CCNI: variants seen among roughly 807,000 people sequenced by gnomAD.
CCNI encodes the protein cyclin-I.
Under a neutral mutation model 34.1 loss-of-function variants are expected in CCNI, and 14 were observed. The observed-to-expected ratio is 0.41, with a 90% CI of 0.27 to 0.64. The LOEUF is 0.64. Among genes scored for constraint, CCNI ranks in the 30% least tolerant of loss-of-function variants. The pLI is 0.31. For synonymous variants in CCNI, 154 were observed against 158.4 expected (o/e 0.97, Z 0.21); for missense variants, 385 against 440.5 (o/e 0.87, Z 1.13).
intron 6 of CCNI, among the ~76,000 whole-genome samples, chr4:77,051,242 G>A (rs145862520): frequency 6.6e-6 from 1 of 152,176 alleles, no homozygotes; most frequent in Non-Finnish European, 1.5e-5. Context: ...AGAGCCAACT[G>A]TACCTCGTTT....
At chr4:77,050,875 A>G (rs1171197088) in intron 6 of CCNI, among the ~76,000 whole-genome samples, 2 of 152,128 alleles carry the variant, frequency 1.3e-5, no homozygotes, top group East Asian at 1.9e-4. Context: ...GGAGTAAAAA[A>G]GGGGCTATAG....
chr4:77,060,866 C>G (rs1728557420), intron 2 of CCNI, among the ~76,000 whole-genome samples: 1 of 152,122 alleles, frequency 6.6e-6, no homozygotes, highest in Admixed American at 6.6e-5. Context: ...CTCAAGTGAT[C>G]TACCCATCTC....
chr4:77,066,197 T>C, intron 2 of CCNI, 52 bp downstream of exon 2: 1 of 1,383,080 alleles, frequency 7.2e-7, no homozygotes, highest in Non-Finnish European at 1.0e-6. Context: ...TGTATGGCAG[T>C]AGTATGTTTA....
At chr4:77,063,484 T>C (rs535736842) in intron 2 of CCNI, among the ~76,000 whole-genome samples, 3 of 151,084 alleles carry the variant, frequency 2.0e-5, no homozygotes, top group African/African-American at 7.3e-5. Flanking sequence ...GGTCAGGAGA[T>C]CGAGACCATC....
intron 2 of CCNI, among the ~76,000 whole-genome samples, chr4:77,060,428 A>C (rs1386533830): frequency 1.3e-5 from 2 of 152,186 alleles, no homozygotes; most frequent in Non-Finnish European, 2.9e-5. Context: ...TTAGTCATGA[A>C]AGAAATCATG....
rs1478980907 is a variant in CCNI, at chr4:77,075,640, GGGGGGC to G, written c.-218_-213del. 1.1e-6 allele frequency: 1 copy of G among 878,330 alleles called. No homozygotes were observed. The highest frequency in any genetic ancestry group is 1.9e-5 in the African/African-American group (1 of 52,510). 54.4% of individuals were successfully genotyped at this position (878,330 alleles called of 1,614,324 possible). ...AGGAGGGAGAAAGGGGAAGCGGATC[GGGGGGC>G]GCGGGCGCGGGCGCTGGCGCTCGAG... On this transcript the variant is annotated 5_prime_UTR_variant, in exon 1 of 7. Transcript: ENST00000237654.
At chr4:77,066,067 C>T in intron 2 of CCNI, 182 bp downstream of exon 2, 3 of 554,276 alleles carry the variant, frequency 5.4e-6, no homozygotes, top group South Asian at 2.1e-5. Flanking sequence ...TGCCACAGCA[C>T]TCCAGACTGG....
chr4:77,065,812 AGAAGAGG>A (rs1560781268), intron 2 of CCNI, among the ~76,000 whole-genome samples: 1 of 152,242 alleles, frequency 6.6e-6, no homozygotes, highest in Non-Finnish European at 1.5e-5. Flanking sequence ...TTTTTAAAAA[AGAAGAGG>A]CCGGGCATGG....
At chr4:77,063,644 C>T (rs4252840) in intron 2 of CCNI, among the ~76,000 whole-genome samples, 61 of 150,816 alleles carry the variant, frequency 4.0e-4, no homozygotes, top group African/African-American at 1.4e-3. Flanking sequence ...GAGCCAAGAT[C>T]GCGCCAGTGC....
chr4:77,049,983 A>G (rs1295425431), intron 6 of CCNI, among the ~76,000 whole-genome samples: 1 of 152,168 alleles, frequency 6.6e-6, no homozygotes, highest in Non-Finnish European at 1.5e-5. Context: ...AATGCCTACC[A>G]GAAATAAGCT....
At position 77,062,865 on chromosome 4, in the gene CCNI, T is replaced by C. The variant is rs1340560973; in HGVS notation, c.114+3384A>G. 4.6e-5 allele frequency among the ~76,000 whole-genome samples: 7 copies of C among 152,344 alleles called. No individual in the cohort carries two copies. The East Asian group carries it at 1.2e-3, about 25-fold the overall frequency. On this transcript the variant is annotated intron_variant, in intron 2 of 6. Coordinates refer to ENST00000237654, the MANE Select transcript of CCNI (RefSeq NM_006835.3). ...ATTATCATGAACTTGAAAGTACTAT[T>C]ACATAATATAAAAGAAGTTCTCTGC...
At chr4:77,067,203 G>A (rs909264764) in intron 1 of CCNI, among the ~76,000 whole-genome samples, 3 of 151,910 alleles carry the variant, frequency 2.0e-5, no homozygotes, top group African/African-American at 7.3e-5. Flanking sequence ...TTGCACTCCA[G>A]CCTGGGCAAC....
At chr4:77,070,600 C>T (rs4252803) in intron 1 of CCNI, among the ~76,000 whole-genome samples, 5,159 of 151,756 alleles carry the variant, frequency 0.034, 292 homozygotes, top group African/African-American at 0.12. Context: ...TCTGAGATTC[C>T]AATTTTGTTG....
chr4:77,066,891 T>A (rs1271002966), intron 1 of CCNI, among the ~76,000 whole-genome samples: 1 of 152,210 alleles, frequency 6.6e-6, no homozygotes, highest in Non-Finnish European at 1.5e-5. Flanking sequence ...CGCTTCCAAT[T>A]CAGTATCCAT....
chr4:77,055,474 T>TC, intron 5 of CCNI, 94 bp from the exon 6 acceptor site: 1 of 909,440 alleles, frequency 1.1e-6, no homozygotes. Context: ...CTTTTTTTTT[T>TC]TTTTTTGAGA....
intron 2 of CCNI, among the ~76,000 whole-genome samples, chr4:77,062,000 C>T (rs1383767831): frequency 1.3e-5 from 2 of 152,156 alleles, no homozygotes; most frequent in East Asian, 3.8e-4. Context: ...GGACATCTTC[C>T]ATCACTTTCT....
rs1278512635 is a variant in CCNI at position 77,048,538 on chromosome 4, C to G, written c.815G>C (p.Cys272Ser). 6.2e-7 allele frequency: 1 copy of G among 1,613,822 alleles called. No homozygotes were observed. The highest frequency in any genetic ancestry group is 1.1e-5 in the South Asian group (1 of 91,076). ...ATGTAATCTGAACACTCCTTTGTCA[C>G]AGGTCACCAGGGTGTGCTTGAGGGG... ...YRPLKHTLVT[C>S]DKGVFRLHPS... Residue 272 changes from cysteine to serine, a missense_variant, in exon 7 of 7, where the codon TGT becomes TCT. Transcript: ENST00000237654.
intron 1 of CCNI, among the ~76,000 whole-genome samples, chr4:77,068,135 A>G (rs1446275721): frequency 6.6e-6 from 1 of 152,122 alleles, no homozygotes; most frequent in Non-Finnish European, 1.5e-5. Flanking sequence ...CCAAGATTGC[A>G]CCACTGCACT....
chr4:77,053,678 C>T (rs1221760537), intron 6 of CCNI, among the ~76,000 whole-genome samples: 1 of 152,132 alleles, frequency 6.6e-6, no homozygotes, highest in Non-Finnish European at 1.5e-5. Context: ...AGTCAGAAGG[C>T]ATTTAGAGAG....
Sources: gnomAD v4.1 joint callset for allele counts (sites outside exome capture counted in the v4.1 genomes callset) on GRCh38, gnomAD v4.1.1 for gene constraint, MANE v1.5 for transcripts, NCBI Gene and HGNC (gene_info 2026-07-23, HGNC 2026-07-21) for gene names.